The following ABHD2 variants were observed in gnomAD, a reference collection of about 807,000 sequenced individuals.
ABHD2 encodes monoacylglycerol lipase ABHD2.
Under a neutral mutation model 48.1 loss-of-function variants are expected in ABHD2, and 20 were observed. The ratio of observed to expected loss-of-function variants is 0.42; its 90% confidence interval spans 0.29 to 0.60. The LOEUF (loss-of-function observed/expected upper bound fraction) is 0.60, where lower values mean the gene tolerates loss of function less well. Ranked by LOEUF, ABHD2 falls within the 20% of genes least tolerant of loss-of-function variation. The pLI is 0.24. For synonymous variants in ABHD2, 209 were observed against 214.2 expected (o/e 0.98, Z 0.21); for missense variants, 405 against 550.9 (o/e 0.74, Z 2.65).
chr15:89,161,013 CCTT>C (rs2050754032), intron 5 of ABHD2, among the ~76,000 whole-genome samples: 1 of 152,170 alleles, frequency 6.6e-6, no homozygotes, highest in Non-Finnish European at 1.5e-5. Flanking sequence ...ATGACCTTTT[CCTT>C]CAAGTCTTCC....
At position 89,201,752 on chromosome 15, in the gene ABHD2, G is replaced by A; in HGVS notation, c.*6329G>A. 5.8e-6 allele frequency: 9 copies of A among 1,550,432 alleles called. No individual in the cohort carries two copies. In the South Asian group the frequency reaches 6.7e-5, roughly 12 times the overall value. On this transcript the variant is annotated 3_prime_UTR_variant, in exon 11 of 11. Coordinates refer to ENST00000352732, the MANE Select transcript of ABHD2 (RefSeq NM_152924.5). Reference sequence around the variant, plus strand: ...TGAATTTGAGGTCTATGGGCGGGTCGAGGACCAGGATCTGCTCGTGCTTCG... The same window carrying A: ...TGAATTTGAGGTCTATGGGCGGGTCAAGGACCAGGATCTGCTCGTGCTTCG...
At chr15:89,064,845 G>A in the ABHD2 span, among the ~76,000 whole-genome samples, 2 of 151,990 alleles carry the variant, frequency 1.3e-5, no homozygotes, top group African/African-American at 4.8e-5. Context: ...CTTCAAGAAT[G>A]CTAACAAAAT....
Position 89,104,492 on chromosome 15 carries a change from G to A in ABHD2, c.-106-9233G>A, listed in dbSNP as rs2049751113. The stretch of plus-strand genomic sequence containing the variant: ...GCACGTGTTAATGCTGTCATCACGG[G>A]CCCCACAGTGTGTATTAGCCAAGTA... On this transcript the variant is annotated intron_variant, in intron 1 of 10. Coordinates refer to ENST00000352732, the MANE Select transcript of ABHD2 (RefSeq NM_152924.5). The surrounding 1 kb of genome is among the most constrained non-coding windows in gnomAD (Gnocchi z 4.4). Among the ~76,000 whole-genome samples the A allele has an allele frequency of 6.6e-6, 1 of 152,116 alleles. No homozygotes were observed. The highest frequency in any genetic ancestry group is 2.4e-5 in the African/African-American group (1 of 41,428).
chr15:89,062,452 T>C, the ABHD2 span, among the ~76,000 whole-genome samples: 39 of 152,252 alleles, frequency 2.6e-4, no homozygotes, highest in South Asian at 7.0e-3. Context: ...TGGTGTGATC[T>C]TGGCTCACGG....
intron 3 of ABHD2, among the ~76,000 whole-genome samples, chr15:89,123,375 C>T (rs1191197200): frequency 6.6e-6 from 1 of 152,142 alleles, no homozygotes; most frequent in East Asian, 1.9e-4. Context: ...GTGTCCAAAC[C>T]TTTAGTTTCC....
At chr15:89,161,959 T>C (rs182650441) in intron 5 of ABHD2, among the ~76,000 whole-genome samples, 9 of 152,322 alleles carry the variant, frequency 5.9e-5, no homozygotes, top group African/African-American at 2.2e-4. Flanking sequence ...TGTAAATGAC[T>C]GTTTTCTTGC....
chr15:89,112,538 A>G (rs2049891845), intron 1 of ABHD2, among the ~76,000 whole-genome samples: 1 of 152,218 alleles, frequency 6.6e-6, no homozygotes, highest in Non-Finnish European at 1.5e-5. Flanking sequence ...AGGGACAGAT[A>G]ATAATTGGAA....
intron 4 of ABHD2, among the ~76,000 whole-genome samples, chr15:89,153,570 CAT>C (rs1035273295): frequency 6.6e-6 from 1 of 152,164 alleles, no homozygotes; most frequent in African/African-American, 2.4e-5. Flanking sequence ...TGTACTTGCT[CAT>C]GTTTTTCCAT....
chr15:89,169,798 CAT>C (rs1314350728), intron 5 of ABHD2, among the ~76,000 whole-genome samples: 2 of 152,058 alleles, frequency 1.3e-5, no homozygotes, highest in Middle Eastern at 3.4e-3. Context: ...TGGTTAGATT[CAT>C]ATTTAAAAAG....
chr15:89,099,552 G>C (rs1256966953), intron 1 of ABHD2, among the ~76,000 whole-genome samples: 1 of 152,050 alleles, frequency 6.6e-6, no homozygotes. Context: ...GTTCAGAGTT[G>C]CAGTGAGCTA....
intron 2 of ABHD2, among the ~76,000 whole-genome samples, chr15:89,115,453 C>T (rs1177021808): frequency 6.9e-6 from 1 of 144,026 alleles, no homozygotes; most frequent in Admixed American, 7.1e-5. Flanking sequence ...GGTAAAGTTA[C>T]TTCAAAAGAG....
At chr15:89,158,042 G>A (rs1428956899) in intron 5 of ABHD2, among the ~76,000 whole-genome samples, 1 of 151,994 alleles carries the variant, frequency 6.6e-6, no homozygotes, top group Non-Finnish European at 1.5e-5. Flanking sequence ...AGTAGAAGAT[G>A]GGGAGGCATG....
rs1248069536 is a variant in ABHD2, at chr15:89,168,479, A to G, written c.539-7333A>G. Reference sequence around the variant, plus strand: ...AGGGGAGGTCCCAGGAGGACCTTCCAGAAGGCTGATCCTGGAGCTGGGCAC... The same window carrying G: ...AGGGGAGGTCCCAGGAGGACCTTCCGGAAGGCTGATCCTGGAGCTGGGCAC... On this transcript the variant is annotated intron_variant, in intron 5 of 10. Coordinates refer to ENST00000352732, the MANE Select transcript of ABHD2 (RefSeq NM_152924.5). This position sits in a 1 kb window ranked among gnomAD's most constrained non-coding sequence, Gnocchi z 4.8. 1.3e-5 allele frequency among the ~76,000 whole-genome samples: 2 copies of G among 152,226 alleles called. No individual in the cohort carries two copies. Among genetic ancestry groups the G allele is most frequent in the Non-Finnish European group, 2.9e-5 (2 of 68,032 alleles).
the ABHD2 span, among the ~76,000 whole-genome samples, chr15:89,047,209 A>C: frequency 6.6e-6 from 1 of 152,096 alleles, no homozygotes; most frequent in Non-Finnish European, 1.5e-5. Flanking sequence ...GAGCGGTTTT[A>C]AGTGAGATTC....
the ABHD2 span, among the ~76,000 whole-genome samples, chr15:89,067,878 C>T: frequency 6.6e-6 from 1 of 152,164 alleles, no homozygotes; most frequent in African/African-American, 2.4e-5. Context: ...AGCCTGATGC[C>T]TGTAGATGAT....
intron 10 of ABHD2, among the ~76,000 whole-genome samples, chr15:89,194,542 C>T (rs200419212): frequency 1.3e-5 from 2 of 152,162 alleles, no homozygotes; most frequent in East Asian, 1.9e-4. Flanking sequence ...TTTAACACAA[C>T]GTGCAGCTTT....
chr15:89,054,523 A>G, the ABHD2 span, among the ~76,000 whole-genome samples: 1 of 151,774 alleles, frequency 6.6e-6, no homozygotes, highest in East Asian at 2.0e-4. Flanking sequence ...TCTACTAAAA[A>G]TACAAAAATT....
Position 89,188,883 on chromosome 15 carries a change from T to TAA in ABHD2, c.926+594_926+595dup, listed in dbSNP as rs34046140. Among the ~76,000 whole-genome samples, 256 of 135,600 alleles carry TAA rather than the reference T, an allele frequency of 1.9e-3. No individual in the cohort carries two copies. The highest frequency in any genetic ancestry group is 7.4e-3 in the Middle Eastern group (2 of 270). The allele number at this position is 135,600 out of a possible 152,430, so 89.0% of individuals were successfully genotyped here. On this transcript the variant is annotated intron_variant, in intron 8 of 10. Transcript: ENST00000352732. This position sits in a 1 kb window ranked among gnomAD's most constrained non-coding sequence, Gnocchi z 4.1. The stretch of plus-strand genomic sequence containing the variant: ...GACACAGCAAGACCCTTCTCAAAAT[T>TAA]AAAAAAAAAAAAAAAGAAGTAGAAA...
At chr15:89,042,960 G>A in the ABHD2 span, among the ~76,000 whole-genome samples, 3 of 152,168 alleles carry the variant, frequency 2.0e-5, no homozygotes, top group Admixed American at 6.5e-5. Flanking sequence ...AAGCCACGGC[G>A]CCCGGCCTAT....
Sources: gnomAD v4.1 joint callset for allele counts (sites outside exome capture counted in the v4.1 genomes callset) on GRCh38, gnomAD v4.1.1 for gene constraint, Gnocchi (gnomAD v3.1) non-coding constraint, MANE v1.5 for transcripts, NCBI Gene and HGNC (gene_info 2026-07-23, HGNC 2026-07-21) for gene names.